The following ENOX2 variants were observed in gnomAD, a reference collection of about 807,000 sequenced individuals.
The protein encoded by ENOX2 is ecto-NOX disulfide-thiol exchanger 2, also known as APK1 antigen.
Under a neutral mutation model 45.0 loss-of-function variants are expected in ENOX2, and 36 were observed. The observed-to-expected ratio is 0.80, with a 90% CI of 0.61 to 1.06. The LOEUF (loss-of-function observed/expected upper bound fraction) is 1.06. Ranked by LOEUF, ENOX2 falls within the 50% of genes least tolerant of loss-of-function variation. ENOX2 has a pLI of 0.00. For missense variants in ENOX2, 423 were observed against 462.5 expected (o/e 0.91, Z 0.78); for synonymous variants, 174 against 152.3 (o/e 1.14, Z -1.05).
chrX:130,824,626 A>T (rs1473175313), intron 2 of ENOX2, among the ~76,000 whole-genome samples: 1 of 111,783 alleles, frequency 8.9e-6, no homozygotes, highest in Non-Finnish European at 1.9e-5. Context: ...GACAAGCTGC[A>T]GGCTGGGAAA....
At chrX:130,832,434 CACACAT>C (rs1279961447) in intron 2 of ENOX2, among the ~76,000 whole-genome samples, 233 of 87,331 alleles carry the variant, frequency 2.7e-3, no homozygotes, top group African/African-American at 0.012. Context: ...CACACACACA[CACACAT>C]ACACACACAC....
At chrX:130,888,106 T>C (rs1324517325) in intron 2 of ENOX2, among the ~76,000 whole-genome samples, 1 of 111,834 alleles carries the variant, frequency 8.9e-6, no homozygotes, top group Non-Finnish European at 1.9e-5. Context: ...CTATAATCAG[T>C]GGATCACACA....
At chrX:130,743,950 G>A (rs891433822) in intron 3 of ENOX2, among the ~76,000 whole-genome samples, 1 of 112,027 alleles carries the variant, frequency 8.9e-6, no homozygotes, top group East Asian at 2.8e-4. Context: ...ATATAAGAAA[G>A]AAATTCCTAA....
chrX:130,706,909 C>A (rs772096151), intron 3 of ENOX2, among the ~76,000 whole-genome samples: 1 of 112,062 alleles, frequency 8.9e-6, no homozygotes, highest in South Asian at 3.7e-4. Context: ...TTTCCCATAT[C>A]GGCATAATCA....
chrX:130,692,580 GTTT>G (rs1194146290), intron 4 of ENOX2, among the ~76,000 whole-genome samples: 5 of 94,917 alleles, frequency 5.3e-5, no homozygotes, highest in Non-Finnish European at 8.6e-5. Context: ...ATCTCTCTCT[GTTT>G]TTTTTTTTTT....
intron 5 of ENOX2, among the ~76,000 whole-genome samples, chrX:130,682,436 T>A (rs1215756681): frequency 1.9e-5 from 2 of 107,524 alleles, no homozygotes; most frequent in Non-Finnish European, 3.8e-5. Flanking sequence ...TACAAAAAAT[T>A]AGCTGGGCAT....
chrX:130,710,173 T>C (rs1344492291), intron 3 of ENOX2, among the ~76,000 whole-genome samples: 1 of 112,089 alleles, frequency 8.9e-6, no homozygotes, highest in African/African-American at 3.2e-5. Context: ...CCTTTCATTA[T>C]CCCCATTTTA....
chrX:130,832,993 A>G (rs1338290687), intron 2 of ENOX2, among the ~76,000 whole-genome samples: 1 of 102,116 alleles, frequency 9.8e-6, no homozygotes, highest in African/African-American at 3.7e-5. Context: ...CATCTGAAGT[A>G]TAAGTATTCA....
At chrX:130,771,841 C>T (rs184039632) in intron 3 of ENOX2, among the ~76,000 whole-genome samples, 211 of 112,187 alleles carry the variant, frequency 1.9e-3, no homozygotes, top group Non-Finnish European at 3.0e-3. Context: ...GCTGTCTCAT[C>T]TTGTGCAATC....
chrX:130,697,062 G>C (rs1324187792), intron 4 of ENOX2, among the ~76,000 whole-genome samples: 1 of 110,081 alleles, frequency 9.1e-6, no homozygotes, highest in Admixed American at 9.7e-5. Flanking sequence ...TTTCTTATAA[G>C]CTGCCTCAAA....
At chrX:130,840,167 T>TA (rs1314596691) in intron 2 of ENOX2, among the ~76,000 whole-genome samples, 1 of 111,930 alleles carries the variant, frequency 8.9e-6, no homozygotes. Context: ...ATCTTGTAAC[T>TA]ATTTAACTTA....
chrX:130,655,855 C>T (rs757092366), intron 10 of ENOX2, among the ~76,000 whole-genome samples: 29 of 111,925 alleles, frequency 2.6e-4, no homozygotes, highest in African/African-American at 8.1e-4. Context: ...AGGCTGGTCT[C>T]GAACTCCTGA....
At chrX:130,850,379 G>A (rs1390605008) in intron 2 of ENOX2, among the ~76,000 whole-genome samples, 1 of 111,471 alleles carries the variant, frequency 9.0e-6, no homozygotes, top group East Asian at 2.8e-4. Flanking sequence ...ATTTATGGAT[G>A]GATGGGTGAA....
chrX:130,878,380 T>C (rs946238895), intron 2 of ENOX2, among the ~76,000 whole-genome samples: 2 of 111,778 alleles, frequency 1.8e-5, no homozygotes, highest in African/African-American at 6.5e-5. Flanking sequence ...ACAAAGCCCA[T>C]GGGTAGGGCA....
chrX:130,853,500 C>CTTTCTCTAGTCAAAGGACCAAGAAGGGG (rs2078257480), intron 2 of ENOX2, among the ~76,000 whole-genome samples: 1 of 107,036 alleles, frequency 9.3e-6, no homozygotes, highest in Non-Finnish European at 1.9e-5. Flanking sequence ...AGAAAGCCAG[C>CTTTCTCTAGTCAAAGGACCAAGAAGGGG]TTTCTCTAGT....
At chrX:130,821,635 T>C (rs1460961617) in intron 2 of ENOX2, among the ~76,000 whole-genome samples, 4 of 84,711 alleles carry the variant, frequency 4.7e-5, no homozygotes, top group Non-Finnish European at 8.9e-5. Context: ...GGCACATGTA[T>C]ACATATGTAA....
chrX:130,792,669 T>C (rs913684013), intron 2 of ENOX2, among the ~76,000 whole-genome samples: 1 of 111,388 alleles, frequency 9.0e-6, no homozygotes, highest in African/African-American at 3.3e-5. Context: ...GGCACGCGCC[T>C]GTAATCCCAG....
intron 3 of ENOX2, among the ~76,000 whole-genome samples, chrX:130,754,593 G>T (rs944183799): frequency 6.3e-5 from 7 of 111,517 alleles, no homozygotes; most frequent in African/African-American, 2.3e-4. Flanking sequence ...GCAGCAACAT[G>T]GATGCAGCTG....
At chrX:130,766,422 CATGTATTTTG>C (rs1359244800) in intron 3 of ENOX2, among the ~76,000 whole-genome samples, 1 of 111,981 alleles carries the variant, frequency 8.9e-6, no homozygotes, top group Admixed American at 9.4e-5. Flanking sequence ...CATTCTCTAA[CATGTATTTTG>C]ATGAAAAAAG....
Sources: gnomAD v4.1 joint callset for allele counts (sites outside exome capture counted in the v4.1 genomes callset) on GRCh38, gnomAD v4.1.1 for gene constraint, MANE v1.5 for transcripts, NCBI Gene and HGNC (gene_info 2026-07-23, HGNC 2026-07-21) for gene names.